ZNF831: variants seen among roughly 807,000 people sequenced by gnomAD.
ZNF831 encodes the protein zinc finger protein 831, also known as chromosome 20 open reading frame 174.
ZNF831 carries 59 observed loss-of-function variants against 95.8 expected under a neutral mutation model. The ratio of observed to expected loss-of-function variants is 0.62; its 90% confidence interval spans 0.50 to 0.77. The LOEUF (loss-of-function observed/expected upper bound fraction) is 0.77, where lower values mean the gene tolerates loss of function less well. Among genes scored for constraint, ZNF831 ranks in the 30% least tolerant of loss-of-function variants. The probability of loss-of-function intolerance (pLI) is 0.00; values close to 1 mark genes in which losing one functional copy is unlikely to be tolerated. For synonymous variants in ZNF831, 961 were observed against 925.5 expected, an observed-to-expected ratio of 1.04 and a Z score of -0.70; for missense variants, 2,205 against 2,164.0, an observed-to-expected ratio of 1.02 and a Z score of -0.38.
chr20:59,168,232 C>T (rs78638275), intron 1 of ZNF831, among the ~76,000 whole-genome samples: 12,625 of 152,128 alleles, frequency 0.083, 707 homozygotes, highest in Non-Finnish European at 0.12. Flanking sequence ...ACACAATATG[C>T]CTCTTTATTA....
chr20:59,215,201 G>A (rs1297528545), intron 4 of ZNF831, among the ~76,000 whole-genome samples: 1 of 152,182 alleles, frequency 6.6e-6, no homozygotes, highest in Non-Finnish European at 1.5e-5. Flanking sequence ...GGAGAACATT[G>A]ATGTGGTTGA....
chr20:59,209,226 G>A (rs1400731321), intron 4 of ZNF831, among the ~76,000 whole-genome samples: 1 of 152,214 alleles, frequency 6.6e-6, no homozygotes, highest in Non-Finnish European at 1.5e-5. Context: ...CAGCATGGAT[G>A]ACCAAGTATC....
intron 1 of ZNF831, among the ~76,000 whole-genome samples, chr20:59,139,714 C>T (rs1018525950): frequency 3.9e-5 from 6 of 152,078 alleles, no homozygotes; most frequent in East Asian, 1.9e-4. Context: ...AAGTCAGAAC[C>T]GAAGCAGAAA....
At chr20:59,253,812 A>G (rs1988025105) in intron 5 of ZNF831, 86 bp from the exon 6 acceptor site, 2 of 1,445,396 alleles carry the variant, frequency 1.4e-6, no homozygotes, top group Admixed American at 4.4e-5. Flanking sequence ...ACCTGTTTTC[A>G]TTGAGGACCA....
chr20:59,222,728 C>G (rs961200747), intron 4 of ZNF831, among the ~76,000 whole-genome samples: 3 of 152,206 alleles, frequency 2.0e-5, no homozygotes, highest in Admixed American at 6.5e-5. Context: ...GCTCCCTCCT[C>G]GCTCCGCGGC....
intron 4 of ZNF831, among the ~76,000 whole-genome samples, chr20:59,228,703 G>A (rs1278009732): frequency 2.0e-5 from 3 of 152,130 alleles, no homozygotes; most frequent in Non-Finnish European, 4.4e-5. Context: ...TATATTAGTT[G>A]CACATTTTTT....
Position 59,191,936 on chromosome 20 carries a change from C to T in ZNF831, c.917C>T (p.Ser306Leu), listed in dbSNP as rs1983578997. ...QPWRKLPEQK[S>L]PTAGKPCALQ... ...TGGCGTAAGTTGCCAGAGCAGAAGT[C>T]GCCGACCGCCGGGAAGCCGTGCGCC... The change falls in exon 2 of 6, where the codon TCG (serine) becomes TTG (leucine). Residue 306 changes from serine to leucine, a missense_variant. Physicochemically the swap from Ser to Leu is moderately radical, Grantham distance 145 (BLOSUM62 -2). Coordinates refer to ENST00000371030, the MANE Select transcript of ZNF831 (RefSeq NM_178457.3). 6.2e-7 allele frequency: 1 copy of T among 1,609,704 alleles called. No individual in the cohort carries two copies. The highest frequency in any genetic ancestry group is 2.2e-5 in the East Asian group (1 of 44,810).
chr20:59,182,123 C>T (rs748781812), intron 1 of ZNF831, among the ~76,000 whole-genome samples: 14 of 152,124 alleles, frequency 9.2e-5, no homozygotes, highest in Non-Finnish European at 2.1e-4. Context: ...AGATTAATAA[C>T]AGCACCTCCC....
chr20:59,204,509 C>T (rs2146630919), intron 3 of ZNF831, among the ~76,000 whole-genome samples: 1 of 152,300 alleles, frequency 6.6e-6, no homozygotes, highest in South Asian at 2.1e-4. Context: ...GCCATCCACA[C>T]CTCCACTGCT....
intron 2 of ZNF831, among the ~76,000 whole-genome samples, chr20:59,156,282 C>T (rs1053280695): frequency 3.9e-5 from 6 of 152,118 alleles, no homozygotes; most frequent in Admixed American, 3.9e-4. Flanking sequence ...CCTGTAATCC[C>T]AGGGAGGCTG....
In ZNF831 at chr20:59,255,063, T is replaced by TCC; in HGVS notation, c.*324_*325dup. The TCC allele has an allele frequency of 4.2e-6, 1 of 237,148 alleles. No individual in the cohort carries two copies. Among genetic ancestry groups the TCC allele is most frequent in the Non-Finnish European group, 8.3e-6 (1 of 120,806 alleles). The allele number at this position is 237,148 out of a possible 1,614,324, so 14.7% of individuals were successfully genotyped here. On this transcript the variant is annotated 3_prime_UTR_variant, in exon 6 of 6. Coordinates refer to ENST00000371030, the MANE Select transcript of ZNF831 (RefSeq NM_178457.3). ...CTCCCAGCCTCGTCTTCTGCACCTGTCCCCCACTGCCTCTCTGCAATCAAA... is the reference window on the plus strand; with the variant it reads ...CTCCCAGCCTCGTCTTCTGCACCTGTCCCCCCCACTGCCTCTCTGCAATCAAA...
intron 4 of ZNF831, among the ~76,000 whole-genome samples, chr20:59,231,799 C>A (rs1986739054): frequency 6.6e-6 from 1 of 152,204 alleles, no homozygotes; most frequent in African/African-American, 2.4e-5. Context: ...GGGTGCTGCA[C>A]CTGGGGAGGT....
At chr20:59,215,032 G>A (rs1267036263) in intron 4 of ZNF831, among the ~76,000 whole-genome samples, 1 of 152,158 alleles carries the variant, frequency 6.6e-6, no homozygotes, top group African/African-American at 2.4e-5. Context: ...TGACATATCA[G>A]CTTTGTAAAA....
intron 4 of ZNF831, among the ~76,000 whole-genome samples, chr20:59,247,431 A>AGCACAGTTCTTG (rs558279074): frequency 0.011 from 1,621 of 152,334 alleles, 9 homozygotes; most frequent in Middle Eastern, 0.02. Flanking sequence ...CCCTGTGTTT[A>AGCACAGTTCTTG]GCACAGTTCT....
At chr20:59,128,608 G>A (rs374332319) in intron 1 of ZNF831, among the ~76,000 whole-genome samples, 2 of 152,360 alleles carry the variant, frequency 1.3e-5, no homozygotes, top group East Asian at 1.9e-4. Flanking sequence ...CCAGCTAGGG[G>A]GATGCACCTG....
intron 1 of ZNF831, among the ~76,000 whole-genome samples, chr20:59,165,979 T>A (rs1981227931): frequency 6.6e-6 from 1 of 152,164 alleles, no homozygotes; most frequent in South Asian, 2.1e-4. Flanking sequence ...CTCTAACGCT[T>A]GACCTCAGGT....
chr20:59,252,045 G>A (rs897425369), intron 4 of ZNF831, among the ~76,000 whole-genome samples: 3 of 152,100 alleles, frequency 2.0e-5, no homozygotes, highest in African/African-American at 4.8e-5. Context: ...GGAAGAAGAG[G>A]GAAACCCTCC....
intron 4 of ZNF831, among the ~76,000 whole-genome samples, chr20:59,230,411 G>T (rs1397870541): frequency 3.9e-5 from 6 of 152,140 alleles, no homozygotes; most frequent in African/African-American, 1.2e-4. Flanking sequence ...GATGGAGGTT[G>T]CAGTGAGCTG....
intron 4 of ZNF831, among the ~76,000 whole-genome samples, chr20:59,215,690 G>C (rs1252560718): frequency 6.6e-6 from 1 of 152,196 alleles, no homozygotes; most frequent in African/African-American, 2.4e-5. Context: ...TCATCTAGGT[G>C]CCACCTTCAG....
Sources: gnomAD v4.1 joint callset for allele counts (sites outside exome capture counted in the v4.1 genomes callset) on GRCh38, gnomAD v4.1.1 for gene constraint, MANE v1.5 for transcripts, NCBI Gene and HGNC (gene_info 2026-07-23, HGNC 2026-07-21) for gene names.